The following SOX6 variants were observed in gnomAD, a reference collection of about 807,000 sequenced individuals.
SOX6 encodes SRY-box transcription factor 6, also known as transcription factor SOX-6.
A neutral mutation model predicts 97.8 loss-of-function variants in SOX6; 11 were observed. The ratio of observed to expected loss-of-function variants is 0.11; its 90% CI spans 0.07 to 0.19. The LOEUF is 0.19. Among genes scored for constraint, SOX6 ranks in the 10% least tolerant of loss-of-function variants. SOX6 has a pLI of 1.00. For synonymous variants in SOX6, 360 were observed against 371.4 expected, an observed-to-expected ratio of 0.97 and a Z score of 0.35; for missense variants, 810 against 1,039.5, an observed-to-expected ratio of 0.78 and a Z score of 3.04.
At chr11:16,374,811 A>G (rs1230017292) in intron 1 of SOX6, among the ~76,000 whole-genome samples, 1 of 152,092 alleles carries the variant, frequency 6.6e-6, no homozygotes, top group African/African-American at 2.4e-5. Flanking sequence ...AAAGCCAGAC[A>G]AATACTTAAA....
chr11:16,321,642 T>C (rs890412320), intron 2 of SOX6, among the ~76,000 whole-genome samples: 1 of 152,044 alleles, frequency 6.6e-6, no homozygotes, highest in Non-Finnish European at 1.5e-5. Flanking sequence ...TGACCCACAC[T>C]GTTCTTAGCC....
In SOX6 at chr11:15,969,267, G is replaced by A. The variant is rs147927418; in HGVS notation, c.*3542C>T. The A allele has an allele frequency of 4.6e-5, 7 of 152,078 alleles. No individual in the cohort carries two copies. Among genetic ancestry groups the A allele is most frequent in the East Asian group, 3.9e-4 (2 of 5,164 alleles). 9.4% of individuals were successfully genotyped at this position (152,078 alleles called of 1,614,324 possible). ...ATTCTTGAATCTAAACTGACATGAC[G>A]GGACGTTTATTAACGGCCGATCTCA... is the stretch of plus-strand genomic sequence containing the variant. On this transcript the variant is annotated 3_prime_UTR_variant, in exon 16 of 16. Transcript: ENST00000683767.
intron 1 of SOX6, among the ~76,000 whole-genome samples, chr11:16,381,680 G>T (rs1273837945): frequency 6.6e-6 from 1 of 151,794 alleles, no homozygotes; most frequent in African/African-American, 2.4e-5. Flanking sequence ...CTCCAAAAGA[G>T]AAAACATGCT....
At position 16,064,897 on chromosome 11, in the gene SOX6, C is replaced by A. The variant is rs925999639; in HGVS notation, c.1102-8996G>T. Among the ~76,000 whole-genome samples the A allele has an allele frequency of 1.2e-4, 18 of 151,892 alleles. 1 individual carries two copies. The highest frequency in any genetic ancestry group is 7.9e-4 in the Admixed American group (12 of 15,246). On this transcript the variant is annotated intron_variant, in intron 9 of 15. Transcript: ENST00000683767. ...TAATAAAAGCCGTATATGACAGACACACAGCAAATACCATACTCAATGGAG... is the reference window on the plus strand; with the variant it reads ...TAATAAAAGCCGTATATGACAGACAAACAGCAAATACCATACTCAATGGAG...
At chr11:16,181,559 CAAA>C (rs5789942) in intron 6 of SOX6, among the ~76,000 whole-genome samples, 296 of 137,676 alleles carry the variant, frequency 2.1e-3, no homozygotes, top group Non-Finnish European at 3.1e-3. Context: ...TTTCCCCTTC[CAAA>C]AAAAAAAAAA....
intron 1 of SOX6, among the ~76,000 whole-genome samples, chr11:16,428,167 T>C (rs1177515070): frequency 6.6e-6 from 1 of 152,210 alleles, no homozygotes; most frequent in Non-Finnish European, 1.5e-5. Flanking sequence ...GCCCACTTTT[T>C]GATGGGGTTG....
intron 4 of SOX6, among the ~76,000 whole-genome samples, chr11:16,192,784 CT>C (rs34652321): frequency 6.6e-6 from 1 of 152,038 alleles, no homozygotes; most frequent in East Asian, 1.9e-4. Context: ...ATTTAAAAGC[CT>C]TTTTTTACAT....
chr11:16,435,691 C>T (rs887182409), intron 1 of SOX6, among the ~76,000 whole-genome samples: 2 of 152,002 alleles, frequency 1.3e-5, no homozygotes, highest in African/African-American at 4.8e-5. Flanking sequence ...ACAGCAGCAG[C>T]AGCAGCCCTA....
intron 1 of SOX6, among the ~76,000 whole-genome samples, chr11:16,389,191 T>C (rs966170042): frequency 6.6e-6 from 1 of 152,248 alleles, no homozygotes; most frequent in African/African-American, 2.4e-5. Context: ...CAAGTGATCC[T>C]CCTACCTCAG....
In SOX6 at chr11:15,969,890, C is replaced by G. The variant is rs1853252807; in HGVS notation, c.*2919G>C. 1 of 152,184 alleles carries G rather than the reference C, an allele frequency of 6.6e-6. No individual in the cohort carries two copies. The highest frequency in any genetic ancestry group is 2.1e-4 in the South Asian group (1 of 4,826). 9.4% of individuals were successfully genotyped at this position (152,184 alleles called of 1,614,324 possible). ...AAATTTAGATTCAAATACAGCATTACTGTTTGATCCAATGAAAAAGACGTT... is the reference window on the plus strand; with the variant it reads ...AAATTTAGATTCAAATACAGCATTAGTGTTTGATCCAATGAAAAAGACGTT... On this transcript the variant is annotated 3_prime_UTR_variant, in exon 16 of 16. Transcript: ENST00000683767.
intron 15 of SOX6, among the ~76,000 whole-genome samples, chr11:15,977,285 C>G (rs987400254): frequency 2.6e-5 from 4 of 152,110 alleles, no homozygotes; most frequent in African/African-American, 9.7e-5. Flanking sequence ...AATCTGGGCC[C>G]CTCCCTATCT....
At chr11:16,698,736 A>G (rs1404028056) in intron 3 of SOX6, among the ~76,000 whole-genome samples, 1 of 152,184 alleles carries the variant, frequency 6.6e-6, no homozygotes, top group Non-Finnish European at 1.5e-5. Flanking sequence ...GTTGTGTTTC[A>G]GGGAATAGAG....
intron 2 of SOX6, among the ~76,000 whole-genome samples, chr11:16,330,843 C>G (rs929275320): frequency 2.6e-5 from 4 of 152,086 alleles, no homozygotes; most frequent in African/African-American, 9.7e-5. Flanking sequence ...TAAGGTCACA[C>G]AGCAAATTAG....
In SOX6 at chr11:16,293,504, A is replaced by C. The variant is rs57087839; in HGVS notation, c.445+24942T>G. ...ACTGCCCTACTTGTTTCTGACATTT[A>C]TTTCCTTCAGATGCCAGAGCTAACT... On this transcript the variant is annotated intron_variant, in intron 3 of 15. Transcript: ENST00000683767. Among the ~76,000 whole-genome samples the C allele has an allele frequency of 9.0e-4, 137 of 152,206 alleles. 1 individual carries two copies. Among genetic ancestry groups the C allele is most frequent in the African/African-American group, 2.5e-3 (105 of 41,558 alleles).
chr11:16,456,232 G>A (rs1245199924), intron 1 of SOX6, among the ~76,000 whole-genome samples: 3 of 152,034 alleles, frequency 2.0e-5, no homozygotes, highest in African/African-American at 4.8e-5. Context: ...TTAGTGATGG[G>A]TTTAGTCCGT....
chr11:16,480,650 C>CT (rs1458823818), upstream of SOX6, among the ~76,000 whole-genome samples: 1 of 151,642 alleles, frequency 6.6e-6, no homozygotes, highest in East Asian at 1.9e-4. Context: ...TAGTAACCCC[C>CT]CCCCCACCTT....
chr11:16,284,017 G>T (rs1854658626), intron 3 of SOX6: 1 of 269,250 alleles, frequency 3.7e-6, no homozygotes, highest in East Asian at 1.3e-4. Flanking sequence ...TAATGAGATA[G>T]AATACTTCTT....
chr11:16,649,348 C>T (rs1220499273), intron 3 of SOX6, among the ~76,000 whole-genome samples: 7 of 152,096 alleles, frequency 4.6e-5, no homozygotes, highest in African/African-American at 1.4e-4. Context: ...ACAGACAAAA[C>T]GATCTTAAGA....
At chr11:16,080,420 A>C (rs1848448721) in intron 9 of SOX6, among the ~76,000 whole-genome samples, 1 of 152,132 alleles carries the variant, frequency 6.6e-6, no homozygotes, top group East Asian at 1.9e-4. Flanking sequence ...ATCTGTGAAA[A>C]TGGGGATAAC....
Sources: allele counts gnomAD v4.1 joint callset (sites outside exome capture counted in the v4.1 genomes callset), GRCh38; gene constraint gnomAD v4.1.1; transcripts MANE v1.5; gene names NCBI Gene and HGNC (gene_info 2026-07-23, HGNC 2026-07-21).